NME7: variants seen among roughly 807,000 people sequenced by gnomAD.
NME7 encodes the protein NME/NM23 family member 7.
NME7 carries 41 observed loss-of-function variants against 49.1 expected under a neutral mutation model. That is an observed-to-expected ratio of 0.83 (90% CI 0.65 to 1.08). The LOEUF is 1.08. NME7 is among the 50% of genes least tolerant of loss of function. The probability of loss-of-function intolerance (pLI) is 0.00; values close to 1 mark genes in which losing one functional copy is unlikely to be tolerated. For synonymous variants in NME7, 139 were observed against 150.6 expected, an observed-to-expected ratio of 0.92 and a Z score of 0.56; for missense variants, 423 against 463.4, an observed-to-expected ratio of 0.91 and a Z score of 0.80.
At chr1:169,158,417 A>C (rs1349181507) in intron 11 of NME7, among the ~76,000 whole-genome samples, 10 of 152,170 alleles carry the variant, frequency 6.6e-5, no homozygotes, top group Admixed American at 5.2e-4. Flanking sequence ...GGTACCATAC[A>C]ATTTAAAACT....
At chr1:169,341,041 G>T (rs1396546661) in intron 1 of NME7, among the ~76,000 whole-genome samples, 3 of 152,188 alleles carry the variant, frequency 2.0e-5, no homozygotes, top group Non-Finnish European at 4.4e-5. Flanking sequence ...AAAAAATGAG[G>T]AACGGAATGT....
intron 3 of NME7, 69 bp from the exon 4 acceptor site, chr1:169,310,149 C>T (rs770728033): frequency 1.9e-5 from 18 of 930,010 alleles, no homozygotes; most frequent in Non-Finnish European, 2.7e-5. Flanking sequence ...AATTCCCAAG[C>T]AGCAGTATTC....
At chr1:169,207,310 G>A (rs1660699071) in intron 10 of NME7, among the ~76,000 whole-genome samples, 1 of 152,094 alleles carries the variant, frequency 6.6e-6, no homozygotes, top group African/African-American at 2.4e-5. Context: ...TGAGGGATCT[G>A]CCCCCAGGAC....
At position 169,344,890 on chromosome 1, in the gene NME7, T is replaced by C. The variant is rs989245292; in HGVS notation, c.4-20390A>G. Among the ~76,000 whole-genome samples, 2 of 152,176 alleles carry C rather than the reference T, an allele frequency of 1.3e-5. 1 individual carries two copies. Among genetic ancestry groups the C allele is most frequent in the African/African-American group, 4.8e-5 (2 of 41,440 alleles). ...GTGAGTTGTACTTCCTCCTCTGTTT[T>C]CCAGAAAAGTTTGTGAAAGATTGCT... is the stretch of plus-strand genomic sequence containing the variant. On this transcript the variant is annotated intron_variant, in intron 1 of 11. Coordinates refer to ENST00000367811, the MANE Select transcript of NME7 (RefSeq NM_013330.5).
intron 11 of NME7, among the ~76,000 whole-genome samples, chr1:169,153,015 C>T (rs901526159): frequency 1.3e-5 from 2 of 151,874 alleles, no homozygotes; most frequent in Non-Finnish European, 2.9e-5. Context: ...AAAACTGGCA[C>T]TTGAATTGAA....
At chr1:169,324,935 T>C (rs1002649438) in intron 1 of NME7, among the ~76,000 whole-genome samples, 5 of 152,194 alleles carry the variant, frequency 3.3e-5, no homozygotes, top group African/African-American at 9.7e-5. Context: ...GAGAATCTAG[T>C]AGTATCAGAA....
At chr1:169,278,236 C>A (rs1302669552) in intron 7 of NME7, among the ~76,000 whole-genome samples, 1 of 148,258 alleles carries the variant, frequency 6.7e-6, no homozygotes, top group Non-Finnish European at 1.5e-5. Context: ...GTTGGCCTGC[C>A]TTGCTCGTTT....
At chr1:169,337,428 G>A (rs1314705973) in intron 1 of NME7, among the ~76,000 whole-genome samples, 1 of 152,170 alleles carries the variant, frequency 6.6e-6, no homozygotes, top group African/African-American at 2.4e-5. Flanking sequence ...CGCAAGCGCC[G>A]CACACAGCCC....
chr1:169,281,443 T>C (rs1244590665), intron 7 of NME7, among the ~76,000 whole-genome samples: 1 of 152,230 alleles, frequency 6.6e-6, no homozygotes, highest in Non-Finnish European at 1.5e-5. Flanking sequence ...ATACCCTTTA[T>C]TGCTTTCTCT....
At chr1:169,353,173 C>T (rs568215027) in intron 1 of NME7, among the ~76,000 whole-genome samples, 26 of 152,126 alleles carry the variant, frequency 1.7e-4, no homozygotes, top group South Asian at 2.1e-4. Context: ...ACCAAAACAG[C>T]GTGGTACTGG....
chr1:169,219,982 T>C (rs1328991507), intron 10 of NME7, among the ~76,000 whole-genome samples: 1 of 152,214 alleles, frequency 6.6e-6, no homozygotes, highest in Non-Finnish European at 1.5e-5. Flanking sequence ...AAGACAGCTT[T>C]TTCCTCATTT....
At chr1:169,319,641 CT>C (rs1304772642) in intron 3 of NME7, among the ~76,000 whole-genome samples, 2 of 152,120 alleles carry the variant, frequency 1.3e-5, no homozygotes, top group Non-Finnish European at 2.9e-5. Flanking sequence ...CCTCAAATAA[CT>C]TGGGCTTAGA....
chr1:169,302,254 C>T (rs755979892), intron 5 of NME7: 5 of 152,000 alleles, frequency 3.3e-5, no homozygotes, highest in Non-Finnish European at 7.4e-5. Context: ...CCCATTACTG[C>T]TATATATCCA....
intron 5 of NME7, 147 bp downstream of exon 5, chr1:169,302,998 T>C (rs994809864): frequency 4.3e-6 from 2 of 470,070 alleles, no homozygotes; most frequent in African/African-American, 2.1e-5. Flanking sequence ...ACAGAGAATA[T>C]AATTCTTAGA....
chr1:169,133,462 A>C (rs767299732), intron 11 of NME7, among the ~76,000 whole-genome samples: 5 of 152,232 alleles, frequency 3.3e-5, no homozygotes, highest in Non-Finnish European at 5.9e-5. Context: ...TCTGGAGGCC[A>C]TGGCCGTTTT....
intron 11 of NME7, among the ~76,000 whole-genome samples, chr1:169,156,610 C>A (rs1659083962): frequency 6.6e-6 from 1 of 152,126 alleles, no homozygotes; most frequent in Non-Finnish European, 1.5e-5. Flanking sequence ...ATATTAAATA[C>A]AGTTCTTAAG....
intron 10 of NME7, among the ~76,000 whole-genome samples, chr1:169,184,470 A>G (rs537041387): frequency 7.7e-4 from 117 of 152,280 alleles, no homozygotes; most frequent in African/African-American, 2.7e-3. Flanking sequence ...ATCTTCCCCT[A>G]TGATCCCTCC....
intron 1 of NME7, among the ~76,000 whole-genome samples, chr1:169,335,459 C>G (rs1247065603): frequency 6.6e-6 from 1 of 151,792 alleles, no homozygotes; most frequent in Non-Finnish European, 1.5e-5. Context: ...AGCACACGAA[C>G]AGAAAACCAA....
At chr1:169,165,780 C>T (rs921446838) in intron 11 of NME7, among the ~76,000 whole-genome samples, 1 of 152,120 alleles carries the variant, frequency 6.6e-6, no homozygotes, top group Admixed American at 6.5e-5. Context: ...CTGAAAGTAG[C>T]TAATTGATAA....
Sources: allele counts gnomAD v4.1 joint callset (sites outside exome capture counted in the v4.1 genomes callset), GRCh38; gene constraint gnomAD v4.1.1; transcripts MANE v1.5; gene names NCBI Gene and HGNC (gene_info 2026-07-23, HGNC 2026-07-21).